The following ZRANB3 variants were observed in gnomAD, a reference collection of about 807,000 sequenced individuals.
The protein encoded by ZRANB3 is DNA annealing helicase and endonuclease ZRANB3.
ZRANB3 carries 125 observed loss-of-function variants against 133.8 expected under a neutral mutation model. That is an observed-to-expected ratio of 0.93 (90% confidence interval 0.81 to 1.08). The LOEUF (loss-of-function observed/expected upper bound fraction) is 1.08. Among genes scored for constraint, ZRANB3 ranks in the 50% least tolerant of loss-of-function variants. The pLI is 0.00. For missense variants in ZRANB3, 1,229 were observed against 1,275.5 expected (o/e 0.96, Z 0.56); for synonymous variants, 387 against 432.7 (o/e 0.89, Z 1.31).
At chr2:135,442,074 C>A (rs1689805340) in intron 2 of ZRANB3, among the ~76,000 whole-genome samples, 1 of 152,076 alleles carries the variant, frequency 6.6e-6, no homozygotes. Flanking sequence ...AAATATAAGA[C>A]CTAAAACCAT....
chr2:135,496,139 T>C (rs1007097222), intron 2 of ZRANB3, among the ~76,000 whole-genome samples: 4 of 152,044 alleles, frequency 2.6e-5, no homozygotes, highest in African/African-American at 9.7e-5. Context: ...TCCCACCACT[T>C]TGGGAGGCCA....
chr2:135,296,933 T>G (rs1202169642), intron 8 of ZRANB3, among the ~76,000 whole-genome samples: 1 of 152,206 alleles, frequency 6.6e-6, no homozygotes, highest in Non-Finnish European at 1.5e-5. Flanking sequence ...ATCGTTCCTC[T>G]GGAAGTTTTG....
At chr2:135,349,940 C>T (rs773656699) in intron 5 of ZRANB3, 44 bp downstream of exon 5, 1 of 1,567,652 alleles carries the variant, frequency 6.4e-7, no homozygotes, top group Non-Finnish European at 8.7e-7. Context: ...CGCCTCCCAC[C>T]CCCCTTCTCT....
rs371733370 is a variant in ZRANB3 at position 135,410,074 on chromosome 2, C to T, written c.162-19254G>A. Among the ~76,000 whole-genome samples, 5 of 152,230 alleles carry T rather than the reference C, an allele frequency of 3.3e-5. No individual in the cohort carries two copies. The East Asian group carries it at 9.6e-4, about 29-fold the overall frequency. The stretch of plus-strand genomic sequence containing the variant: ...TGGCCACAGTGCCTAAAGCAAAGTA[C>T]AGATTCAATGCTATTCCTATCAAAC... On this transcript the variant is annotated intron_variant, in intron 2 of 20. Transcript: ENST00000264159.
intron 10 of ZRANB3, chr2:135,271,408 A>C (rs1216909278): frequency 2.1e-6 from 1 of 475,480 alleles, no homozygotes; most frequent in Admixed American, 2.3e-5. Context: ...AATGCAACAC[A>C]ATCAAGTAAG....
At chr2:135,266,692 G>A (rs1048285386) in intron 11 of ZRANB3, among the ~76,000 whole-genome samples, 4 of 151,860 alleles carry the variant, frequency 2.6e-5, no homozygotes, top group Non-Finnish European at 5.9e-5. Context: ...TTGAACCCAG[G>A]AGGCAGAGAT....
At chr2:135,273,988 A>G (rs964076556) in intron 9 of ZRANB3, among the ~76,000 whole-genome samples, 4 of 152,286 alleles carry the variant, frequency 2.6e-5, no homozygotes, top group Non-Finnish European at 5.9e-5. Flanking sequence ...TTACGAATCT[A>G]ATTTCTTGCC....
At chr2:135,421,890 C>CTT (rs79373075) in intron 2 of ZRANB3, among the ~76,000 whole-genome samples, 7 of 127,510 alleles carry the variant, frequency 5.5e-5, no homozygotes, top group Non-Finnish European at 1.0e-4. Flanking sequence ...TTTTTTTTTC[C>CTT]TTTTTTTTTT....
At chr2:135,506,017 A>G (rs1297101034) in intron 1 of ZRANB3, among the ~76,000 whole-genome samples, 1 of 152,152 alleles carries the variant, frequency 6.6e-6, no homozygotes, top group Non-Finnish European at 1.5e-5. Flanking sequence ...CAAAATTAAG[A>G]GAAGAGCAGT....
At position 135,203,129 on chromosome 2, in the gene ZRANB3, G is replaced by A. The variant is rs550993466; in HGVS notation, c.3010-166C>T. ...TGTGAGTAGAAAAAACCCTCTGTTAGAAGTTTGAAAGCAATAAGATGTGTT... is the reference window on the plus strand; with the variant it reads ...TGTGAGTAGAAAAAACCCTCTGTTAAAAGTTTGAAAGCAATAAGATGTGTT... On this transcript the variant is annotated intron_variant, in intron 19 of 20. Coordinates refer to ENST00000264159, the MANE Select transcript of ZRANB3 (RefSeq NM_032143.4). 1.6e-4 allele frequency among the ~76,000 whole-genome samples: 25 copies of A among 152,254 alleles called. No individual in the cohort carries two copies. The South Asian group carries it at 5.0e-3, about 30-fold the overall frequency.
chr2:135,286,618 A>G (rs887664353), intron 8 of ZRANB3, among the ~76,000 whole-genome samples: 3 of 152,146 alleles, frequency 2.0e-5, no homozygotes, highest in Admixed American at 1.3e-4. Flanking sequence ...TCTTACAGGA[A>G]TAAGGTGGTA....
chr2:135,463,878 T>C (rs1342940901), intron 2 of ZRANB3, among the ~76,000 whole-genome samples: 1 of 152,182 alleles, frequency 6.6e-6, no homozygotes, highest in Non-Finnish European at 1.5e-5. Flanking sequence ...GGGAACCAAG[T>C]TTAATTCAGA....
chr2:135,355,646 C>T (rs1270339821), intron 3 of ZRANB3, among the ~76,000 whole-genome samples: 5 of 152,066 alleles, frequency 3.3e-5, no homozygotes, highest in African/African-American at 9.7e-5. Flanking sequence ...CATGAGCCAC[C>T]GCGCCCGGCC....
chr2:135,334,971 G>A (rs1573930074), intron 6 of ZRANB3, among the ~76,000 whole-genome samples: 1 of 152,190 alleles, frequency 6.6e-6, no homozygotes, highest in East Asian at 1.9e-4. Flanking sequence ...TATGCAGGAT[G>A]TGCAGTTTGT....
chr2:135,402,074 A>G (rs1381780808), intron 2 of ZRANB3, among the ~76,000 whole-genome samples: 1 of 151,764 alleles, frequency 6.6e-6, no homozygotes, highest in Admixed American at 6.6e-5. Context: ...AGTATATGAA[A>G]TTTTTTAACC....
chr2:135,337,699 A>G (rs1357240270), intron 6 of ZRANB3, among the ~76,000 whole-genome samples: 1 of 152,158 alleles, frequency 6.6e-6, no homozygotes, highest in Admixed American at 6.5e-5. Context: ...TTACCAGAAA[A>G]ACAACTAAGA....
At chr2:135,352,731 T>G (rs1685267423) in intron 4 of ZRANB3, among the ~76,000 whole-genome samples, 1 of 152,166 alleles carries the variant, frequency 6.6e-6, no homozygotes, top group Non-Finnish European at 1.5e-5. Context: ...ATCTAAGTAT[T>G]AACAGATATT....
At chr2:135,453,288 G>C (rs886068262) in intron 2 of ZRANB3, among the ~76,000 whole-genome samples, 1 of 152,190 alleles carries the variant, frequency 6.6e-6, no homozygotes, top group Non-Finnish European at 1.5e-5. Flanking sequence ...TGATGGGAGG[G>C]GCTGCTGTGA....
chr2:135,506,546 C>T (rs957690862), intron 1 of ZRANB3, among the ~76,000 whole-genome samples: 2 of 151,960 alleles, frequency 1.3e-5, no homozygotes, highest in Admixed American at 6.6e-5. Flanking sequence ...GTTGTGCTGT[C>T]GCATACACCA....
Sources: allele counts gnomAD v4.1 joint callset (sites outside exome capture counted in the v4.1 genomes callset), GRCh38; gene constraint gnomAD v4.1.1; transcripts MANE v1.5; gene names NCBI Gene and HGNC (gene_info 2026-07-23, HGNC 2026-07-21).